MCF2: variants seen among roughly 807,000 people sequenced by gnomAD.
MCF2 encodes MCF.2 cell line derived transforming sequence.
MCF2 carries 44 observed loss-of-function variants against 82.5 expected under a neutral mutation model. That is an observed-to-expected ratio of 0.53 (90% confidence interval 0.42 to 0.69). MCF2 has a LOEUF of 0.69. Ranked by LOEUF, MCF2 falls within the 30% of genes least tolerant of loss-of-function variation. The pLI, the probability that MCF2 is intolerant of heterozygous loss-of-function variation, is 0.00. For missense variants in MCF2, 623 were observed against 663.1 expected (o/e 0.94, Z 0.66); for synonymous variants, 217 against 224.9 (o/e 0.96, Z 0.32).
At chrX:139,660,779 C>A (rs1380770106) in intron 1 of MCF2, among the ~76,000 whole-genome samples, 1 of 111,942 alleles carries the variant, frequency 8.9e-6, no homozygotes, top group African/African-American at 3.2e-5. Flanking sequence ...CATATTAAAT[C>A]CTTTTCCTGC....
chrX:139,617,840 C>A, intron 7 of MCF2, 136 bp from the exon 11 acceptor site: 4 of 285,433 alleles, frequency 1.4e-5, no homozygotes, highest in Non-Finnish European at 2.4e-5. Context: ...ATGTCTACTT[C>A]TTCAGGCTGC....
chrX:139,588,459 G>A (rs753306552), intron 20 of MCF2, 21 bp from the exon 25 acceptor site: 14 of 1,014,466 alleles, frequency 1.4e-5, no homozygotes, highest in Admixed American at 9.2e-5. Flanking sequence ...AAAAAAAAGC[G>A]GGAGGGAGGT....
upstream of MCF2, among the ~76,000 whole-genome samples, chrX:139,646,532 A>G (rs185981225): frequency 2.7e-5 from 3 of 111,609 alleles, no homozygotes; most frequent in Admixed American, 2.9e-4. Context: ...ATCGTTCTCA[A>G]CCTATGTTCT....
intron 12 of MCF2, chrX:139,607,449 C>T (rs989938734): frequency 9.1e-6 from 2 of 219,717 alleles, no homozygotes; most frequent in Admixed American, 7.2e-5. Flanking sequence ...AAACGAAAAC[C>T]TCCATTTTAT....
At chrX:139,596,504 A>G in intron 19 of MCF2, 45 bp downstream of exon 23, 1 of 1,012,364 alleles carries the variant, frequency 9.9e-7, no homozygotes, top group Non-Finnish European at 1.4e-6. Flanking sequence ...TGGGAGACAC[A>G]CACACACGAA....
intron 4 of MCF2, among the ~76,000 whole-genome samples, chrX:139,628,458 G>A (rs1932816973): frequency 1.8e-5 from 2 of 111,109 alleles, no homozygotes; most frequent in Admixed American, 1.9e-4. Context: ...AATAGACAGT[G>A]GGGACTACTA....
chrX:139,701,373 G>A (rs1368179145), intron 1 of MCF2, among the ~76,000 whole-genome samples: 1 of 111,890 alleles, frequency 8.9e-6, no homozygotes, highest in East Asian at 2.8e-4. Flanking sequence ...GTCGCTGTAA[G>A]GTTTTTGTAG....
chrX:139,608,113 A>G (rs971739790), intron 11 of MCF2, among the ~76,000 whole-genome samples: 16 of 111,898 alleles, frequency 1.4e-4, no homozygotes, highest in Non-Finnish European at 2.4e-4. Context: ...CTTTTTAACC[A>G]TAGTGATTTT....
At chrX:139,669,355 G>A (rs1365434675) in intron 1 of MCF2, among the ~76,000 whole-genome samples, 1 of 112,182 alleles carries the variant, frequency 8.9e-6, no homozygotes, top group Non-Finnish European at 1.9e-5. Flanking sequence ...CCAAGAGGAT[G>A]TCTGTAACAA....
chrX:139,622,587 G>A (rs1342380715), intron 6 of MCF2, among the ~76,000 whole-genome samples: 7 of 110,773 alleles, frequency 6.3e-5, no homozygotes, highest in Admixed American at 3.9e-4. Context: ...GTAGGGACAT[G>A]GATGAAGCTA....
Position 139,587,019 on chromosome X carries a change from T to A in MCF2, c.2523-532A>T, listed in dbSNP as rs772884252. On this transcript the variant is annotated intron_variant, in intron 22 of 24. Coordinates refer to ENST00000370576, the Ensembl canonical transcript of MCF2. ...GAACCACCATATGTTTCATCTGATTTTAGCTACCTCAGAAAGATGACATGC... is the reference window on the plus strand; with the variant it reads ...GAACCACCATATGTTTCATCTGATTATAGCTACCTCAGAAAGATGACATGC... 3.6e-5 allele frequency among the ~76,000 whole-genome samples: 4 copies of A among 111,967 alleles called. No individual in the cohort carries two copies. In the South Asian group the frequency reaches 1.5e-3, roughly 42 times the overall value.
intron 1 of MCF2, among the ~76,000 whole-genome samples, chrX:139,701,493 T>G (rs906444986): frequency 8.9e-6 from 1 of 112,180 alleles, no homozygotes; most frequent in African/African-American, 3.2e-5. Flanking sequence ...AAAATTTCCC[T>G]GAAGGAGAAG....
At position 139,601,478 on chromosome X, in the gene MCF2, C is replaced by A. The variant is rs147389587; in HGVS notation, c.1836+928G>T. Among the ~76,000 whole-genome samples the A allele has an allele frequency of 2.7e-5, 3 of 111,504 alleles. No homozygotes were observed. In the East Asian group the frequency reaches 8.5e-4, roughly 32 times the overall value. ...AAATTCTGAGTATAATTATTTCTTA[C>A]CTAGAATTCTATACACAGCCAAACT... On this transcript the variant is annotated intron_variant, in intron 16 of 24. Transcript: ENST00000370576.
At chrX:139,611,596 T>G (rs1381322779) in intron 10 of MCF2, among the ~76,000 whole-genome samples, 1 of 112,055 alleles carries the variant, frequency 8.9e-6, no homozygotes, top group African/African-American at 3.2e-5. Flanking sequence ...TTTTTAACAA[T>G]ATAAATACAT....
At chrX:139,594,019 G>A (rs1929795694) in intron 19 of MCF2, among the ~76,000 whole-genome samples, 1 of 110,657 alleles carries the variant, frequency 9.0e-6, no homozygotes, top group Non-Finnish European at 1.9e-5. Flanking sequence ...AACTTACAAG[G>A]GACATGAAGG....
At chrX:139,651,364 A>C (rs939968221) in intron 2 of MCF2, among the ~76,000 whole-genome samples, 2 of 111,383 alleles carry the variant, frequency 1.8e-5, no homozygotes, top group Non-Finnish European at 3.8e-5. Flanking sequence ...TGAGTAATCA[A>C]AGAAGCTACC....
chrX:139,684,854 A>T (rs1935084454), intron 1 of MCF2, among the ~76,000 whole-genome samples: 1 of 111,851 alleles, frequency 8.9e-6, no homozygotes, highest in Non-Finnish European at 1.9e-5. Flanking sequence ...ACTGCTAACG[A>T]GTATGGGGTT....
intron 16 of MCF2, among the ~76,000 whole-genome samples, chrX:139,599,042 G>A (rs1450407198): frequency 9.1e-6 from 1 of 109,697 alleles, no homozygotes; most frequent in East Asian, 2.9e-4. Flanking sequence ...ACATTGTAGG[G>A]GCCCATAGTT....
At chrX:139,648,815 T>C (rs886153929) in intron 2 of MCF2, among the ~76,000 whole-genome samples, 1 of 112,361 alleles carries the variant, frequency 8.9e-6, no homozygotes, top group Non-Finnish European at 1.9e-5. Flanking sequence ...AAATGATCAT[T>C]TGATCATGAT....
Sources: allele counts gnomAD v4.1 joint callset (sites outside exome capture counted in the v4.1 genomes callset), GRCh38; gene constraint gnomAD v4.1.1; transcripts MANE v1.5; gene names NCBI Gene and HGNC (gene_info 2026-07-23, HGNC 2026-07-21).